Variants in CLIC5 observed in about 807,000 individuals in gnomAD.
CLIC5 encodes the protein chloride intracellular channel protein 5.
A neutral mutation model predicts 24.7 loss-of-function variants in CLIC5; 20 were observed. The observed-to-expected ratio is 0.81, with a 90% CI of 0.57 to 1.18. The LOEUF (loss-of-function observed/expected upper bound fraction) is 1.18, where lower values mean the gene tolerates loss of function less well. CLIC5 is among the 50% of genes most tolerant of loss of function. CLIC5 has a pLI of 0.00. For missense variants in CLIC5, 341 were observed against 326.1 expected (o/e 1.05, Z -0.35); for synonymous variants, 159 against 135.6 (o/e 1.17, Z -1.20).
intron 1 of CLIC5, among the ~76,000 whole-genome samples, chr6:46,064,808 G>T (rs747832213): frequency 1.8e-4 from 28 of 152,036 alleles, no homozygotes; most frequent in Non-Finnish European, 1.3e-4. Context: ...ACTTGAAGTG[G>T]ATGATAGAAC....
chr6:46,039,238 T>A (rs1302334988), intron 1 of CLIC5, among the ~76,000 whole-genome samples: 1 of 152,154 alleles, frequency 6.6e-6, no homozygotes, highest in Non-Finnish European at 1.5e-5. Flanking sequence ...TAAATTTATT[T>A]TTTCTAAAGG....
intron 1 of CLIC5, among the ~76,000 whole-genome samples, chr6:46,003,139 G>A (rs1454409484): frequency 6.6e-6 from 1 of 152,164 alleles, no homozygotes; most frequent in African/African-American, 2.4e-5. Flanking sequence ...CCTACTCCAT[G>A]GAATTCAAGG....
In CLIC5 at chr6:46,004,643, A is replaced by T. The variant is rs371704774; in HGVS notation, c.63+10837T>A. On this transcript the variant is annotated intron_variant, in intron 1 of 5. Transcript: ENST00000339561. ...CCAAGGCAGTGCCTGACATCTGAAC[A>T]GTGAAGACTGTAGTTTGCAAAAGGG... 9.1e-4 allele frequency among the ~76,000 whole-genome samples: 139 copies of T among 152,288 alleles called. 5 individuals carry two copies. The South Asian group carries it at 0.027, about 30-fold the overall frequency.
At chr6:46,010,793 G>C (rs1302073996) in intron 1 of CLIC5, among the ~76,000 whole-genome samples, 1 of 152,174 alleles carries the variant, frequency 6.6e-6, no homozygotes, top group Non-Finnish European at 1.5e-5. Flanking sequence ...TGCCATAGCA[G>C]GGCAGGCAAA....
intron 4 of CLIC5, among the ~76,000 whole-genome samples, chr6:45,916,751 G>C (rs552034359): frequency 6.6e-6 from 1 of 152,324 alleles, no homozygotes; most frequent in South Asian, 2.1e-4. Flanking sequence ...CCTCGAGATG[G>C]AAGGCATCAA....
At chr6:46,064,327 A>G (rs1370225264) in intron 1 of CLIC5, among the ~76,000 whole-genome samples, 1 of 152,126 alleles carries the variant, frequency 6.6e-6, no homozygotes, top group Non-Finnish European at 1.5e-5. Flanking sequence ...TCTAGTAAAG[A>G]TAGTTTTACT....
the CLIC5 span, among the ~76,000 whole-genome samples, chr6:46,113,599 A>C: frequency 2.0e-5 from 3 of 152,190 alleles, no homozygotes; most frequent in African/African-American, 7.2e-5. Flanking sequence ...CAAATCTGCA[A>C]ACAGGTGAGT....
chr6:46,047,769 T>C (rs1240403898), intron 1 of CLIC5, among the ~76,000 whole-genome samples: 1 of 152,176 alleles, frequency 6.6e-6, no homozygotes, highest in Non-Finnish European at 1.5e-5. Context: ...TTACCTGTCT[T>C]CTCTCCCACA....
chr6:46,057,782 TTAG>T (rs1768301257), intron 1 of CLIC5, among the ~76,000 whole-genome samples: 1 of 152,212 alleles, frequency 6.6e-6, no homozygotes, highest in South Asian at 2.1e-4. Context: ...ACCTACACAA[TTAG>T]TGGTGTTTAG....
At chr6:46,082,802 TTC>T (rs1491482248), upstream of CLIC5, among the ~76,000 whole-genome samples, 2 of 113,856 alleles carry the variant, frequency 1.8e-5, no homozygotes, top group Non-Finnish European at 4.1e-5. Context: ...TTACCCTACT[TTC>T]CCCCCCTTTT....
chr6:46,077,896 C>T (rs898032381), intron 1 of CLIC5, among the ~76,000 whole-genome samples: 2 of 152,126 alleles, frequency 1.3e-5, no homozygotes, highest in Non-Finnish European at 2.9e-5. Flanking sequence ...TCTGTTTTTG[C>T]TCAATACCAG....
chr6:46,060,477 G>A (rs570843355), intron 1 of CLIC5, among the ~76,000 whole-genome samples: 1 of 152,236 alleles, frequency 6.6e-6, no homozygotes, highest in African/African-American at 2.4e-5. Flanking sequence ...TTTGTGCCTA[G>A]AATTTTACAT....
the CLIC5 span, among the ~76,000 whole-genome samples, chr6:46,110,506 G>T: frequency 6.6e-6 from 1 of 152,166 alleles, no homozygotes; most frequent in Non-Finnish European, 1.5e-5. Flanking sequence ...AGAGACACTG[G>T]TTATTTTTCC....
At chr6:46,004,371 G>C (rs548575182) in intron 1 of CLIC5, among the ~76,000 whole-genome samples, 1 of 152,322 alleles carries the variant, frequency 6.6e-6, no homozygotes, top group East Asian at 1.9e-4. Flanking sequence ...ACAGGATTGA[G>C]CTCTGGACTA....
chr6:46,107,033 TATAA>T, the CLIC5 span, among the ~76,000 whole-genome samples: 2 of 152,216 alleles, frequency 1.3e-5, no homozygotes, highest in Non-Finnish European at 2.9e-5. Context: ...CAACTTAATT[TATAA>T]ATAAATGAGT....
At chr6:46,059,566 C>CT (rs1158150235) in intron 1 of CLIC5, among the ~76,000 whole-genome samples, 1 of 152,150 alleles carries the variant, frequency 6.6e-6, no homozygotes, top group Non-Finnish European at 1.5e-5. Flanking sequence ...AGGGAGCTCC[C>CT]TCCACATGCC....
intron 6 of CLIC5, among the ~76,000 whole-genome samples, chr6:45,889,439 C>G (rs1762330993): frequency 6.6e-6 from 1 of 152,112 alleles, no homozygotes; most frequent in South Asian, 2.1e-4. Flanking sequence ...CACATTCAGT[C>G]CATAGCCAGA....
chr6:46,126,574 G>T, the CLIC5 span, among the ~76,000 whole-genome samples: 1 of 152,134 alleles, frequency 6.6e-6, no homozygotes, highest in Admixed American at 6.5e-5. Context: ...TGAAAATGGA[G>T]TAGGTGAAAA....
intron 4 of CLIC5, among the ~76,000 whole-genome samples, chr6:45,938,891 G>A (rs372010813): frequency 1.4e-4 from 21 of 152,234 alleles, no homozygotes; most frequent in African/African-American, 3.6e-4. Context: ...CTCTGCCTTG[G>A]GGGTAGACAA....
Sources: gnomAD v4.1 joint callset for allele counts (sites outside exome capture counted in the v4.1 genomes callset) on GRCh38, gnomAD v4.1.1 for gene constraint, MANE v1.5 for transcripts, NCBI Gene and HGNC (gene_info 2026-07-23, HGNC 2026-07-21) for gene names.